The following AHNAK variants were observed in gnomAD, a reference collection of about 807,000 sequenced individuals.
The protein encoded by AHNAK is AHNAK nucleoprotein.
In AHNAK, 23 loss-of-function variants were observed where a neutral mutation model predicts 37.8. The ratio of observed to expected loss-of-function variants is 0.61; its 90% CI spans 0.44 to 0.86. AHNAK has a LOEUF of 0.86. Ranked by LOEUF, AHNAK falls within the 40% of genes least tolerant of loss-of-function variation. The pLI is 0.00. For missense variants in AHNAK, 7,411 were observed against 7,319.4 expected (o/e 1.01, Z -0.46); for synonymous variants, 2,481 against 2,636.3 (o/e 0.94, Z 1.80).
intron 5 of AHNAK, among the ~76,000 whole-genome samples, chr11:62,468,834 TGAGACG>T: frequency 6.6e-6 from 1 of 152,322 alleles, no homozygotes; most frequent in Non-Finnish European, 1.5e-5. Flanking sequence ...ACAGTAACTC[TGAGACG>T]ACCCATCTGC....
chr11:62,524,969 T>A lies in AHNAK; in HGVS notation c.9448A>T (p.Met3150Leu). Reference sequence around the variant, plus strand: ...ATCTTGGGCATTTTTATTTTAGGCATCTTCAGGTGCCAGTCTGGGCCTTGA... The same window carrying A: ...ATCTTGGGCATTTTTATTTTAGGCAACTTCAGGTGCCAGTCTGGGCCTTGA... ...DVQGPDWHLK[M>L]PKIKMPKISM... The change falls in exon 5 of 5, where the codon ATG becomes TTG. Residue 3150 changes from methionine (M) to leucine (L), a missense_variant. By Grantham distance (15) the Met-to-Leu change is conservative (BLOSUM62 2). Transcript: ENST00000378024. 6.2e-7 allele frequency: 1 copy of A among 1,613,660 alleles called. No individual in the cohort carries two copies. The highest frequency in any genetic ancestry group is 8.5e-7 in the Non-Finnish European group (1 of 1,179,922).
intron 3 of AHNAK, 33 bp downstream of exon 3, chr11:62,535,912 C>A: frequency 6.3e-7 from 1 of 1,590,618 alleles, no homozygotes; most frequent in Non-Finnish European, 8.5e-7. Context: ...CCCCCAACCA[C>A]CAGCACCCAG....
At chr11:62,467,518 C>A (rs1325495876) in intron 5 of AHNAK, among the ~76,000 whole-genome samples, 1 of 152,142 alleles carries the variant, frequency 6.6e-6, no homozygotes, top group East Asian at 1.9e-4. Context: ...AATCTCATCT[C>A]TACTGAAAAT....
chr11:62,528,987 G>A lies in AHNAK; in HGVS notation c.5430C>T (p.Leu1810=). 1.2e-6 allele frequency: 2 copies of A among 1,614,022 alleles called. No homozygotes were observed. The highest frequency in any genetic ancestry group is 1.7e-6 in the Non-Finnish European group (2 of 1,180,006). ...CTTTGACATCAACTTGCGGCCCTCT[G>A]AGATCACCTTCCAGTTCTGGCACAG... The part of the protein sequence containing the change: ...DASVPELEGD[L]RGPQVDVKGP... The change falls in exon 5 of 5, where the codon CTC becomes CTT. Residue 1810 remains leucine, a synonymous_variant. Transcript: ENST00000378024.
chr11:62,544,514 C>G (rs1014216266), intron 1 of AHNAK, among the ~76,000 whole-genome samples: 1 of 152,138 alleles, frequency 6.6e-6, no homozygotes, highest in Non-Finnish European at 1.5e-5. Flanking sequence ...TTCCCACAGC[C>G]CCCAAACCCT....
intron 5 of AHNAK, among the ~76,000 whole-genome samples, chr11:62,467,745 C>T (rs969401998): frequency 1.3e-5 from 2 of 152,164 alleles, no homozygotes; most frequent in African/African-American, 4.8e-5. Flanking sequence ...AGGAAATCAT[C>T]TTAGCTGTGA....
chr11:62,444,576 G>T (rs1272473577), intron 5 of AHNAK, among the ~76,000 whole-genome samples: 1 of 152,266 alleles, frequency 6.6e-6, no homozygotes, highest in Non-Finnish European at 1.5e-5. Flanking sequence ...GGAAGCGGGG[G>T]TCCCGCTGGC....
chr11:62,526,982 C>G lies in AHNAK; in HGVS notation c.7435G>C (p.Glu2479Gln). The change falls in exon 5 of 5, where the codon GAA becomes CAA. Residue 2479 changes from glutamate (E) to glutamine (Q), a missense_variant. Physicochemically the swap from Glu to Gln is conservative, Grantham distance 29. Coordinates refer to ENST00000378024, the MANE Select transcript of AHNAK (RefSeq NM_001620.3). ...ATATCTGGTACTTCAAGTTTACCTT[C>G]TACCTCAGGCACAGACACATCCACA... Reference protein sequence around the residue: ...GDVDVSVPEVEGKLEVPDMNI... With the variant: ...GDVDVSVPEVQGKLEVPDMNI... 1 of 1,613,980 alleles carries G rather than the reference C, an allele frequency of 6.2e-7. No individual in the cohort carries two copies. Among genetic ancestry groups the G allele is most frequent in the Non-Finnish European group, 8.5e-7 (1 of 1,179,902 alleles).
Position 62,517,611 on chromosome 11 carries a change from G to A in AHNAK, c.16806C>T (p.Val5602=), listed in dbSNP as rs1389019707. The change falls in exon 5 of 5, where the codon GTC becomes GTT. Residue 5602 remains valine (V), a synonymous_variant. Transcript: ENST00000378024. ...GSGGEWKGPQ[V]SSALNLDTSK... is the part of the protein sequence containing the mutation. Reference sequence around the variant, plus strand: ...ATGTGTCCAAGTTGAGAGCAGAGGAGACTTGGGGTCCCTTCCACTCACCCC... The same window carrying A: ...ATGTGTCCAAGTTGAGAGCAGAGGAAACTTGGGGTCCCTTCCACTCACCCC... 1.2e-6 allele frequency: 2 copies of A among 1,614,038 alleles called. No individual in the cohort carries two copies. Among genetic ancestry groups the A allele is most frequent in the Non-Finnish European group, 1.7e-6 (2 of 1,180,042 alleles).
chr11:62,505,475 G>A (rs901186624), intron 4 of AHNAK, among the ~76,000 whole-genome samples: 3 of 152,034 alleles, frequency 2.0e-5, no homozygotes, highest in African/African-American at 4.8e-5. Context: ...TTGGAGCAAG[G>A]GACCTTGCCT....
chr11:62,520,221 T>C lies in AHNAK; in HGVS notation c.14196A>G (p.Gly4732=), dbSNP rs1215824794. The C allele has an allele frequency of 1.7e-5, 28 of 1,611,618 alleles. No individual in the cohort carries two copies. The highest frequency in any genetic ancestry group is 2.4e-5 in the Non-Finnish European group (28 of 1,179,432). ...CATCCACATCGCCCTTCACTTTGGGTCCTTTCAGGTTTAAGTCAATATCAG... is the reference window on the plus strand; with the variant it reads ...CATCCACATCGCCCTTCACTTTGGGCCCTTTCAGGTTTAAGTCAATATCAG... The part of the protein sequence containing the change: ...SMPDIDLNLK[G]PKVKGDVDVT... The change falls in exon 5 of 5, where the codon GGA becomes GGG. Residue 4732 remains glycine, a synonymous_variant. Coordinates refer to ENST00000378024, the MANE Select transcript of AHNAK (RefSeq NM_001620.3).
chr11:62,437,631 T>C (rs1018066454), intron 5 of AHNAK, among the ~76,000 whole-genome samples: 6 of 152,200 alleles, frequency 3.9e-5, no homozygotes, highest in African/African-American at 1.4e-4. Flanking sequence ...AGTGCTGGGA[T>C]TACAGGTGTG....
intron 4 of AHNAK, among the ~76,000 whole-genome samples, chr11:62,495,136 T>C (rs1035106053): frequency 7.9e-5 from 12 of 151,734 alleles, no homozygotes; most frequent in Non-Finnish European, 1.3e-4. Flanking sequence ...CACTGCACTC[T>C]AGCCTAGGTG....
intron 5 of AHNAK, among the ~76,000 whole-genome samples, chr11:62,476,157 G>A (rs1939140771): frequency 6.6e-6 from 1 of 152,154 alleles, no homozygotes; most frequent in Non-Finnish European, 1.5e-5. Context: ...GACGGCTGAG[G>A]CAGCCGGATC....
At position 62,524,560 on chromosome 11, in the gene AHNAK, A is replaced by T; in HGVS notation, c.9857T>A (p.Met3286Lys). The stretch of plus-strand genomic sequence containing the variant: ...GGAGATCTTGGGCATGTTTACATGC[A>T]TGTCAGGCATCTTCAGTTTTGGACC... Reference protein sequence around the residue: ...LKGPKLKMPDMHVNMPKISMP... With the variant: ...LKGPKLKMPDKHVNMPKISMP... The change falls in exon 5 of 5, where the codon ATG (methionine) becomes AAG (lysine). Residue 3286 changes from methionine (M) to lysine (K), a missense_variant. Physicochemically the swap from Met to Lys is moderately conservative, Grantham distance 95. Transcript: ENST00000378024. The T allele has an allele frequency of 6.2e-7, 1 of 1,613,760 alleles. No homozygotes were observed. Among genetic ancestry groups the T allele is most frequent in the East Asian group, 2.2e-5 (1 of 44,876 alleles).
chr11:62,435,513 G>A lies in AHNAK; in HGVS notation c.443-1622C>T, dbSNP rs1264214520. ...GCAGGCTCCGCCCCCCGGGGTTCCC[G>A]CCATTCTCCTGCCTCAGCCTCCCGA... On this transcript the variant is annotated intron_variant, in intron 5 of 5. Coordinates refer to the AHNAK transcript ENST00000257247. 5.9e-5 allele frequency among the ~76,000 whole-genome samples: 9 copies of A among 151,630 alleles called. No individual in the cohort carries two copies. In the South Asian group the frequency reaches 6.3e-4, roughly 11 times the overall value.
intron 4 of AHNAK, among the ~76,000 whole-genome samples, chr11:62,509,953 T>C (rs770799632): frequency 2.6e-5 from 4 of 152,226 alleles, no homozygotes; most frequent in Non-Finnish European, 5.9e-5. Flanking sequence ...GTAAAGACAG[T>C]TACTGGGGCA....
In AHNAK at chr11:62,531,470, TGAC is replaced by T; in HGVS notation, c.2944_2946del (p.Val982del). ...CCCTGCATTTCAACATCTGGGGCAC[TGAC>T]ATCTACTTTTGGGCCTTTCAGGTCC... On this transcript the variant is annotated inframe_deletion, in exon 5 of 5. Coordinates refer to ENST00000378024, the MANE Select transcript of AHNAK (RefSeq NM_001620.3). 6.2e-7 allele frequency: 1 copy of T among 1,614,248 alleles called. No homozygotes were observed. The highest frequency in any genetic ancestry group is 1.1e-5 in the South Asian group (1 of 91,088).
chr11:62,448,538 G>A (rs1938464918), intron 5 of AHNAK, among the ~76,000 whole-genome samples: 1 of 152,148 alleles, frequency 6.6e-6, no homozygotes, highest in African/African-American at 2.4e-5. Flanking sequence ...GAGGCATTGA[G>A]GATAACACTC....
Sources: allele counts gnomAD v4.1 joint callset (sites outside exome capture counted in the v4.1 genomes callset), GRCh38; gene constraint gnomAD v4.1.1; transcripts MANE v1.5; gene names NCBI Gene and HGNC (gene_info 2026-07-23, HGNC 2026-07-21).